ASIC2: variants seen among roughly 807,000 people sequenced by gnomAD.
The protein encoded by ASIC2 is acid sensing ion channel subunit 2.
A neutral mutation model predicts 57.3 loss-of-function variants in ASIC2; 25 were observed. The ratio of observed to expected loss-of-function variants is 0.44; its 90% CI spans 0.32 to 0.61. The LOEUF (loss-of-function observed/expected upper bound fraction) is 0.61. Ranked by LOEUF, ASIC2 falls within the 20% of genes least tolerant of loss-of-function variation. The pLI is 0.06. For missense variants in ASIC2, 641 were observed against 738.1 expected (o/e 0.87, Z 1.52); for synonymous variants, 319 against 307.5 (o/e 1.04, Z -0.39).
At chr17:33,640,770 T>C (rs191231975) in intron 1 of ASIC2, among the ~76,000 whole-genome samples, 47 of 149,332 alleles carry the variant, frequency 3.1e-4, no homozygotes, top group African/African-American at 1.1e-3. Flanking sequence ...GCTTTAGTTA[T>C]CTCTAGAGTC....
chr17:33,440,279 C>T (rs1026985283), intron 1 of ASIC2, among the ~76,000 whole-genome samples: 5 of 152,158 alleles, frequency 3.3e-5, no homozygotes, highest in Non-Finnish European at 5.9e-5. Flanking sequence ...CTGACGTTTT[C>T]GAGGTTGGAT....
chr17:33,768,726 G>A (rs1040350060), intron 1 of ASIC2, among the ~76,000 whole-genome samples: 5 of 151,980 alleles, frequency 3.3e-5, no homozygotes, highest in African/African-American at 9.7e-5. Flanking sequence ...TAATGCCTTC[G>A]AACCAATTGT....
At chr17:33,532,229 G>T (rs1283671487) in intron 1 of ASIC2, among the ~76,000 whole-genome samples, 1 of 152,162 alleles carries the variant, frequency 6.6e-6, no homozygotes, top group African/African-American at 2.4e-5. Context: ...GAAGTCAAGG[G>T]TCATTCATCA....
At chr17:33,382,113 C>T (rs145147538) in intron 1 of ASIC2, among the ~76,000 whole-genome samples, 7 of 152,148 alleles carry the variant, frequency 4.6e-5, no homozygotes, top group East Asian at 1.9e-4. Context: ...TGCCAGACAC[C>T]GGGCGCTGTC....
chr17:33,206,345 T>C (rs1907062305), intron 1 of ASIC2, among the ~76,000 whole-genome samples: 1 of 152,224 alleles, frequency 6.6e-6, no homozygotes, highest in Middle Eastern at 3.4e-3. Context: ...CTGCTCTGCA[T>C]TCATGATCCT....
rs1321961384 is a variant in ASIC2, at chr17:33,634,710, C to CTTTCT, written c.555+521267_555+521268insAGAAA. ...GTTTTCTTTCTTTCTTTCTTTCTTT[C>CTTTCT]TTTTTTTTTTTTTTTTGTATTTTTA... On this transcript the variant is annotated intron_variant, in intron 1 of 9. Coordinates refer to the ASIC2 transcript ENST00000359872. The CTTTCT allele has an allele frequency of 8.1e-5, 6 of 74,052 alleles. No individual in the cohort carries two copies. In the East Asian group the frequency reaches 1.2e-3, roughly 14 times the overall value. The allele number at this position is 74,052 out of a possible 1,614,324, so 4.6% of individuals were successfully genotyped here.
At chr17:33,579,221 G>C (rs1053086561) in intron 1 of ASIC2, among the ~76,000 whole-genome samples, 2 of 149,672 alleles carry the variant, frequency 1.3e-5, no homozygotes, top group African/African-American at 2.5e-5. Flanking sequence ...GGGAGGCAGA[G>C]GTTGCAGTGA....
chr17:34,096,347 A>G (rs1022640563), intron 1 of ASIC2, among the ~76,000 whole-genome samples: 2 of 152,218 alleles, frequency 1.3e-5, no homozygotes, highest in African/African-American at 2.4e-5. Context: ...TTCAGGATCC[A>G]TTAAAGTAAC....
At chr17:33,465,953 T>A (rs1269560730) in intron 1 of ASIC2, among the ~76,000 whole-genome samples, 1 of 152,180 alleles carries the variant, frequency 6.6e-6, no homozygotes, top group Non-Finnish European at 1.5e-5. Context: ...TTCCTCAGGA[T>A]AAAGCCAGAG....
At chr17:34,095,203 T>TA (rs1910473630) in intron 1 of ASIC2, among the ~76,000 whole-genome samples, 1 of 152,018 alleles carries the variant, frequency 6.6e-6, no homozygotes, top group South Asian at 2.1e-4. Flanking sequence ...CATCAGAGGG[T>TA]AGGGGATAAA....
intron 1 of ASIC2, among the ~76,000 whole-genome samples, chr17:33,278,415 AG>A (rs1420413828): frequency 2.0e-5 from 3 of 151,950 alleles, no homozygotes; most frequent in Non-Finnish European, 4.4e-5. Flanking sequence ...TGAGAGGCTG[AG>A]GCAGGAGGAT....
At chr17:33,755,346 G>A (rs1451245697) in intron 1 of ASIC2, among the ~76,000 whole-genome samples, 1 of 152,214 alleles carries the variant, frequency 6.6e-6, no homozygotes, top group African/African-American at 2.4e-5. Flanking sequence ...CTGACGTCTA[G>A]AGCCATAAGA....
At chr17:33,301,101 C>A (rs1358234020) in intron 1 of ASIC2, among the ~76,000 whole-genome samples, 1 of 151,878 alleles carries the variant, frequency 6.6e-6, no homozygotes, top group African/African-American at 2.4e-5. Context: ...GTGATCTCGA[C>A]TCACGGCAAC....
rs187214234 is a variant in ASIC2, at chr17:33,803,395, A to T, written c.555+352583T>A. Among the ~76,000 whole-genome samples, 6 of 152,112 alleles carry T rather than the reference A, an allele frequency of 3.9e-5. No homozygotes were observed. In the East Asian group the frequency reaches 1.2e-3, roughly 30 times the overall value. On this transcript the variant is annotated intron_variant, in intron 1 of 9. Transcript: ENST00000359872. ...GGGGGAGAGATTTGCATACATGTGG[A>T]TTTCCACATCCCAGATTTTCTTAAG... is the stretch of plus-strand genomic sequence containing the variant.
At chr17:33,817,062 C>T (rs1567724062) in intron 1 of ASIC2, among the ~76,000 whole-genome samples, 1 of 152,252 alleles carries the variant, frequency 6.6e-6, no homozygotes, top group Non-Finnish European at 1.5e-5. Flanking sequence ...CGGGGCTGCA[C>T]ACTGGAACCA....
Position 33,397,678 on chromosome 17 carries a change from T to C in ASIC2, c.556-285611A>G, listed in dbSNP as rs116532141. Among the ~76,000 whole-genome samples, 863 of 152,284 alleles carry C rather than the reference T, an allele frequency of 5.7e-3. 7 individuals are homozygous for C. Among genetic ancestry groups the C allele is most frequent in the African/African-American group, 0.02 (828 of 41,562 alleles). On this transcript the variant is annotated intron_variant, in intron 1 of 9. Transcript: ENST00000359872. ...AGGGTAGAGGCCAAGAGATAGCCCT[T>C]GGAACCCTAGAGAAAGAGATTCTTC...
intron 1 of ASIC2, among the ~76,000 whole-genome samples, chr17:33,878,098 C>A (rs1425733555): frequency 6.6e-6 from 1 of 152,130 alleles, no homozygotes; most frequent in Non-Finnish European, 1.5e-5. Flanking sequence ...CACACCAAAA[C>A]CCCATCTGTA....
intron 1 of ASIC2, among the ~76,000 whole-genome samples, chr17:33,596,069 C>T (rs776384891): frequency 8.5e-5 from 13 of 152,114 alleles, no homozygotes; most frequent in Admixed American, 2.0e-4. Flanking sequence ...TGGCTTTTCT[C>T]GGAACTCCCT....
chr17:33,277,598 T>G (rs942032653), intron 1 of ASIC2, among the ~76,000 whole-genome samples: 3 of 152,176 alleles, frequency 2.0e-5, no homozygotes, highest in Non-Finnish European at 4.4e-5. Context: ...ATGAGGAAAC[T>G]CTATCTGAAC....
Sources: allele counts gnomAD v4.1 joint callset (sites outside exome capture counted in the v4.1 genomes callset), GRCh38; gene constraint gnomAD v4.1.1; transcripts MANE v1.5; gene names NCBI Gene and HGNC (gene_info 2026-07-23, HGNC 2026-07-21).